The following AHNAK2 variants were observed in gnomAD, a reference collection of about 807,000 sequenced individuals.
The protein encoded by AHNAK2 is protein AHNAK2.
A neutral mutation model predicts 30.7 loss-of-function variants in AHNAK2; 18 were observed. That is an observed-to-expected ratio of 0.59 (90% CI 0.41 to 0.87). AHNAK2 has a LOEUF of 0.87. Among genes scored for constraint, AHNAK2 ranks in the 40% least tolerant of loss-of-function variants. The pLI, the probability that AHNAK2 is intolerant of heterozygous loss-of-function variation, is 0.00. For missense variants in AHNAK2, 8,604 were observed against 7,373.0 expected, an observed-to-expected ratio of 1.17 and a Z score of -6.11; for synonymous variants, 3,590 against 3,073.8, an observed-to-expected ratio of 1.17 and a Z score of -5.56.
At chr14:104,961,297 G>T (rs1372273329) in intron 1 of AHNAK2, among the ~76,000 whole-genome samples, 1 of 151,430 alleles carries the variant, frequency 6.6e-6, no homozygotes, top group Non-Finnish European at 1.5e-5. Context: ...GGCGGATCAC[G>T]AGGTCAGGAG....
Position 104,954,108 on chromosome 14 carries a change from C to T in AHNAK2, c.1343G>A (p.Arg448Gln), listed in dbSNP as rs201231556. 2.7e-5 allele frequency: 43 copies of T among 1,612,348 alleles called. No homozygotes were observed. The highest frequency in any genetic ancestry group is 5.3e-5 in the African/African-American group (4 of 74,932). The change falls in exon 7 of 7, where the codon CGG becomes CAG. Residue 448 changes from arginine to glutamine, a missense_variant. Coordinates refer to ENST00000333244, the MANE Select transcript of AHNAK2 (RefSeq NM_138420.4). This position sits in a 1 kb window ranked among gnomAD's most constrained non-coding sequence, Gnocchi z 4.3. ...PRAQPTPGMS[R>Q]EGEGEGLQSL... ...CTGCAGTCCCTCGCCTTCACCCTCC[C>T]GGCTCATTCCAGGAGTTGGCTGGGC...
At position 104,952,054 on chromosome 14, in the gene AHNAK2, C is replaced by T. The variant is rs11625007; in HGVS notation, c.3397G>A (p.Val1133Ile). 838,965 of 1,609,372 alleles carry T rather than the reference C, an allele frequency of 0.52. 223,388 individuals carry two copies. The highest frequency in any genetic ancestry group is 0.64 in the Middle Eastern group (3,881 of 6,038). Reference sequence around the variant, plus strand: ...TCCAGCTTGGCTCCCGGGGCCTCGACGTCCACCTCCACGCTGGGCAGAGAC... The same window carrying T: ...TCCAGCTTGGCTCCCGGGGCCTCGATGTCCACCTCCACGCTGGGCAGAGAC... ...EVSLPSVEVD[V>I]EAPGAKLDSA... Residue 1133 changes from valine to isoleucine, a missense_variant, in exon 7 of 7, where the codon GTC becomes ATC. Transcript: ENST00000333244.
Position 104,950,355 on chromosome 14 carries a change from C to A in AHNAK2, c.5096G>T (p.Gly1699Val), listed in dbSNP as rs372745878. Reference sequence around the variant, plus strand: ...GCTGAGGTCAGTGGTCTTCAGGTCCCCCTGCATGGAGGGGAGGCTCACATC... The same window carrying A: ...GCTGAGGTCAGTGGTCTTCAGGTCCACCTGCATGGAGGGGAGGCTCACATC... ...EADVSLPSMQGDLKTTDLSIQ... is the reference protein window; with the variant it reads ...EADVSLPSMQVDLKTTDLSIQ... Residue 1699 changes from glycine (G) to valine (V), a missense_variant, in exon 7 of 7, where the codon GGG becomes GTG. Physicochemically the swap from Gly to Val is moderately radical, Grantham distance 109. Transcript: ENST00000333244. The A allele has an allele frequency of 6.3e-7, 1 of 1,586,190 alleles. No homozygotes were observed. The highest frequency in any genetic ancestry group is 1.1e-5 in the South Asian group (1 of 89,766).
At position 104,946,571 on chromosome 14, in the gene AHNAK2, C is replaced by T. The variant is rs202174595; in HGVS notation, c.8880G>A (p.Leu2960=). 4.0e-5 allele frequency: 65 copies of T among 1,612,984 alleles called. No homozygotes were observed. The highest frequency in any genetic ancestry group is 1.6e-4 in the Middle Eastern group (1 of 6,080). ...TGTCGGCCAGGGACAGGTCACCCTC[C>T]AGCCGTGCACCATCCAGCTTTGCTC... ...APRAKLDGAR[L]EGDLSLADKD... Residue 2960 remains leucine (L), a synonymous_variant, in exon 7 of 7, where the codon CTG becomes CTA. Coordinates refer to ENST00000333244, the MANE Select transcript of AHNAK2 (RefSeq NM_138420.4).
intron 2 of AHNAK2, 46 bp downstream of exon 2, chr14:104,957,568 G>C: frequency 6.3e-7 from 1 of 1,599,906 alleles, no homozygotes; most frequent in Non-Finnish European, 8.5e-7. Context: ...CAGGGAGAAT[G>C]GGGGCAGGGT....
chr14:104,977,981 C>G (rs1223039136), intron 1 of AHNAK2, among the ~76,000 whole-genome samples: 1 of 152,148 alleles, frequency 6.6e-6, no homozygotes, highest in African/African-American at 2.4e-5. Context: ...AACCTACAGC[C>G]ACGGACAGGT....
chr14:104,947,809 C>T lies in AHNAK2; in HGVS notation c.7642G>A (p.Asp2548Asn), dbSNP rs1898377617. 3 of 1,612,576 alleles carry T rather than the reference C, an allele frequency of 1.9e-6. No individual in the cohort carries two copies. The highest frequency in any genetic ancestry group is 1.7e-6 in the Non-Finnish European group (2 of 1,179,554). The change falls in exon 7 of 7, where the codon GAC (aspartate) becomes AAC (asparagine). Residue 2548 changes from aspartate (D) to asparagine (N), a missense_variant. Physicochemically the swap from Asp to Asn is conservative, Grantham distance 23. Transcript: ENST00000333244. ...ADLEVQAGQV[D>N]VKLPEGPVPE... Reference sequence around the variant, plus strand: ...ACAGGGCCCTCTGGGAGTTTCACGTCCACTTGGCCAGCCTGGACCTCCAGG... The same window carrying T: ...ACAGGGCCCTCTGGGAGTTTCACGTTCACTTGGCCAGCCTGGACCTCCAGG...
intron 1 of AHNAK2, among the ~76,000 whole-genome samples, chr14:104,964,088 T>G (rs1183957034): frequency 1.3e-5 from 2 of 152,034 alleles, no homozygotes; most frequent in Non-Finnish European, 2.9e-5. Flanking sequence ...ATACCTGCAA[T>G]ACATTTACCA....
Position 104,955,049 on chromosome 14 carries a change from G to T in AHNAK2, c.559C>A (p.Gln187Lys), listed in dbSNP as rs1445300982. 1 of 1,613,590 alleles carries T rather than the reference G, an allele frequency of 6.2e-7. No individual in the cohort carries two copies. Among genetic ancestry groups the T allele is most frequent in the Non-Finnish European group, 8.5e-7 (1 of 1,179,886 alleles). ...ILQYSEPYKVQFKIRRQLPAP... is the reference protein window; with the variant it reads ...ILQYSEPYKVKFKIRRQLPAP... Reference sequence around the variant, plus strand: ...GGGAGCTGCCGTCTGATTTTGAACTGAACCTTGTACGGCTCTGAATATTGA... The same window carrying T: ...GGGAGCTGCCGTCTGATTTTGAACTTAACCTTGTACGGCTCTGAATATTGA... Residue 187 changes from glutamine to lysine, a missense_variant, in exon 6 of 7, where the codon CAG becomes AAG. By Grantham distance (53) the Gln-to-Lys change is moderately conservative. Transcript: ENST00000333244.
rs775308083 is a variant in AHNAK2, at chr14:104,938,339, G to C, written c.17112C>G (p.Phe5704Leu). ...TGCTTTTCTTGGTAGGAGATGAGGA[G>C]AACCCTAATTTGGGAAATCGGAACC... ...AGWFRFPKLG[F>L]SSSPTKKSKS... The change falls in exon 7 of 7, where the codon TTC becomes TTG. Residue 5704 changes from phenylalanine to leucine, a missense_variant. Phe to Leu is a conservative substitution (Grantham distance 22). Transcript: ENST00000333244. The C allele has an allele frequency of 3.1e-5, 50 of 1,613,968 alleles. No individual in the cohort carries two copies. Among genetic ancestry groups the C allele is most frequent in the Non-Finnish European group, 4.1e-5 (48 of 1,179,898 alleles).
Position 104,946,962 on chromosome 14 carries a change from T to G in AHNAK2, c.8489A>C (p.Lys2830Thr), listed in dbSNP as rs202152138. The G allele has an allele frequency of 1.2e-6, 2 of 1,612,634 alleles. No individual in the cohort carries two copies. Among genetic ancestry groups the G allele is most frequent in the Non-Finnish European group, 1.7e-6 (2 of 1,179,696 alleles). ...CACATCCACCGAGGCCTCGATGGACTTGCCTGGGGCCGACACCCCGAATGA... is the reference window on the plus strand; with the variant it reads ...CACATCCACCGAGGCCTCGATGGACGTGCCTGGGGCCGACACCCCGAATGA... ...MPSFGVSAPGKSIEASVDVSE... is the reference protein window; with the variant it reads ...MPSFGVSAPGTSIEASVDVSE... Residue 2830 changes from lysine (K) to threonine (T), a missense_variant, in exon 7 of 7, where the codon AAG becomes ACG. Physicochemically the swap from Lys to Thr is moderately conservative, Grantham distance 78 (BLOSUM62 -1). Transcript: ENST00000333244.
In AHNAK2 at chr14:104,957,611, T is replaced by TA; in HGVS notation, c.114+2dup. On this transcript the variant is annotated splice_region_variant and intron_variant, in intron 2 of 6. Coordinates refer to ENST00000333244, the MANE Select transcript of AHNAK2 (RefSeq NM_138420.4). ...GGACACACTTCCTCCTGCTCTCACTTACAGAGTGGTCATCTTCCGTTTCTG... is the reference window on the plus strand; with the variant it reads ...GGACACACTTCCTCCTGCTCTCACTTAACAGAGTGGTCATCTTCCGTTTCTG... 1 of 1,610,698 alleles carries TA rather than the reference T, an allele frequency of 6.2e-7. No homozygotes were observed. The highest frequency in any genetic ancestry group is 8.5e-7 in the Non-Finnish European group (1 of 1,178,952).
chr14:104,955,556 AC>A lies in AHNAK2; in HGVS notation c.392del (p.Gly131ValfsTer12). On this transcript the variant is annotated frameshift_variant, in exon 5 of 7. Coordinates refer to ENST00000333244, the MANE Select transcript of AHNAK2 (RefSeq NM_138420.4). LOFTEE classifies it high-confidence loss of function. ...AGASGYSVTG[G>X]GDQGIFVKQV... is the part of the protein sequence containing the mutation. ...GCTTGACGAAGATCCCCTGGTCCCC[AC>A]CACCTGTGACACTGTAGCCACTGGC... is the stretch of plus-strand genomic sequence containing the variant. 6.2e-7 allele frequency: 1 copy of A among 1,613,604 alleles called. No individual in the cohort carries two copies. Among genetic ancestry groups the A allele is most frequent in the Admixed American group, 1.7e-5 (1 of 60,012 alleles).
chr14:104,964,405 C>A (rs1036803076), intron 1 of AHNAK2, among the ~76,000 whole-genome samples: 3 of 152,008 alleles, frequency 2.0e-5, no homozygotes, highest in African/African-American at 4.8e-5. Flanking sequence ...GCTGGCGCAA[C>A]CACTTGGAAA....
At position 104,953,705 on chromosome 14, in the gene AHNAK2, C is replaced by T. The variant is rs201306871; in HGVS notation, c.1746G>A (p.Met582Ile). Residue 582 changes from methionine (M) to isoleucine (I), a missense_variant, in exon 7 of 7, where the codon ATG (methionine) becomes ATA (isoleucine). Coordinates refer to ENST00000333244, the MANE Select transcript of AHNAK2 (RefSeq NM_138420.4). ...CTAAGGAGGGTATCTTGAACTTGGGCATTCTTATCTGTCCTTCTGTGTCTT... is the reference window on the plus strand; with the variant it reads ...CTAAGGAGGGTATCTTGAACTTGGGTATTCTTATCTGTCCTTCTGTGTCTT... Reference protein sequence around the residue: ...GREDTEGQIRMPKFKIPSLGW... With the variant: ...GREDTEGQIRIPKFKIPSLGW... The T allele has an allele frequency of 4.5e-5, 73 of 1,613,920 alleles. 3 individuals are homozygous for T. In the African/African-American group the frequency reaches 7.1e-4, roughly 16 times the overall value.
rs1480543863 is a variant in AHNAK2 at position 104,947,262 on chromosome 14, T to A, written c.8189A>T (p.His2730Leu). 4 of 1,611,414 alleles carry A rather than the reference T, an allele frequency of 2.5e-6. No individual in the cohort carries two copies. Among genetic ancestry groups the A allele is most frequent in the Non-Finnish European group, 1.7e-6 (2 of 1,179,278 alleles). Reference sequence around the variant, plus strand: ...ACTGGGCATCTGCAGCTTGGGCAGGTGCCCTTTGAGGCCGGCTCCCTCGGG... The same window carrying A: ...ACTGGGCATCTGCAGCTTGGGCAGGAGCCCTTTGAGGCCGGCTCCCTCGGG... Reference protein sequence around the residue: ...HVPEGAGLKGHLPKLQMPSFK... With the variant: ...HVPEGAGLKGLLPKLQMPSFK... Residue 2730 changes from histidine to leucine, a missense_variant, in exon 7 of 7, where the codon CAC becomes CTC. Physicochemically the swap from His to Leu is moderately conservative, Grantham distance 99. Coordinates refer to ENST00000333244, the MANE Select transcript of AHNAK2 (RefSeq NM_138420.4).
rs781170116 is a variant in AHNAK2, at chr14:104,950,375, C to G, written c.5076G>C (p.Val1692=). The G allele has an allele frequency of 6.3e-7, 1 of 1,586,422 alleles. No individual in the cohort carries two copies. The highest frequency in any genetic ancestry group is 2.3e-5 in the East Asian group (1 of 44,232). Residue 1692 remains valine (V), a synonymous_variant, in exon 7 of 7, where the codon GTG becomes GTC. Coordinates refer to ENST00000333244, the MANE Select transcript of AHNAK2 (RefSeq NM_138420.4). ...GGTCCCCCTGCATGGAGGGGAGGCTCACATCAGCTTCCACCTTCGGCTCAG... is the reference window on the plus strand; with the variant it reads ...GGTCCCCCTGCATGGAGGGGAGGCTGACATCAGCTTCCACCTTCGGCTCAG... The part of the protein sequence containing the change: ...DVSEPKVEAD[V]SLPSMQGDLK...
Position 104,939,720 on chromosome 14 carries a change from G to A in AHNAK2, c.15731C>T (p.Ala5244Val). The A allele has an allele frequency of 6.2e-7, 1 of 1,613,898 alleles. No homozygotes were observed. The highest frequency in any genetic ancestry group is 8.5e-7 in the Non-Finnish European group (1 of 1,179,894). The change falls in exon 7 of 7, where the codon GCA (alanine) becomes GTA (valine). Residue 5244 changes from alanine (A) to valine (V), a missense_variant. Transcript: ENST00000333244. Reference protein sequence around the residue: ...EFLVSGSNVEAAMSLQLPEAD... With the variant: ...EFLVSGSNVEVAMSLQLPEAD... ...CTCTGGGAGCTGTAGGGACATAGCT[G>A]CCTCCACGTTTGACCCAGAAACAAG...
In AHNAK2 at chr14:104,951,697, G is replaced by C. The variant is rs201228544; in HGVS notation, c.3754C>G (p.Pro1252Ala). The stretch of plus-strand genomic sequence containing the variant: ...TCCACTTTGGGCATCTTCAAACTAG[G>C]CATCTGCACCTTGGGCAGGTGCCCT... ...FKGHLPKVQMPSLKMPKVDLK... is the reference protein window; with the variant it reads ...FKGHLPKVQMASLKMPKVDLK... Residue 1252 changes from proline to alanine, a missense_variant, in exon 7 of 7, where the codon CCT becomes GCT. Transcript: ENST00000333244. The C allele has an allele frequency of 1.6e-4, 202 of 1,246,068 alleles. 54 individuals are homozygous for C. Among genetic ancestry groups the C allele is most frequent in the Middle Eastern group, 1.3e-3 (5 of 3,838 alleles). 77.2% of individuals were successfully genotyped at this position (1,246,068 alleles called of 1,614,324 possible).
Sources: gnomAD v4.1 joint callset for allele counts (sites outside exome capture counted in the v4.1 genomes callset) on GRCh38, gnomAD v4.1.1 for gene constraint, Gnocchi (gnomAD v3.1) non-coding constraint, MANE v1.5 for transcripts, NCBI Gene and HGNC (gene_info 2026-07-23, HGNC 2026-07-21) for gene names.